ARHGAP6: variants seen among roughly 807,000 people sequenced by gnomAD.
The protein encoded by ARHGAP6 is Rho GTPase activating protein 6, also known as rho GTPase-activating protein 6.
ARHGAP6 carries 16 observed loss-of-function variants against 55.7 expected under a neutral mutation model. That is an observed-to-expected ratio of 0.29 (90% CI 0.19 to 0.44). The LOEUF (loss-of-function observed/expected upper bound fraction) is 0.44. Ranked by LOEUF, ARHGAP6 falls within the 20% of genes least tolerant of loss-of-function variation. The pLI is 1.00. For missense variants in ARHGAP6, 698 were observed against 808.9 expected (o/e 0.86, Z 1.66); for synonymous variants, 382 against 360.9 (o/e 1.06, Z -0.66).
intron 1 of ARHGAP6, among the ~76,000 whole-genome samples, chrX:11,619,953 T>C: frequency 8.9e-6 from 1 of 112,207 alleles, no homozygotes; most frequent in African/African-American, 3.2e-5. Flanking sequence ...TCACTGTCCC[T>C]CTGTATTATA....
intron 8 of ARHGAP6, among the ~76,000 whole-genome samples, chrX:11,173,264 A>G (rs1473451343): frequency 8.9e-6 from 1 of 112,257 alleles, no homozygotes; most frequent in African/African-American, 3.2e-5. Flanking sequence ...GAGGGGAGAC[A>G]CAGGTCTTGC....
At chrX:11,661,975 T>A (rs1397498230) in intron 1 of ARHGAP6, among the ~76,000 whole-genome samples, 1 of 112,219 alleles carries the variant, frequency 8.9e-6, no homozygotes, top group East Asian at 2.8e-4. Flanking sequence ...AGGACAGCTC[T>A]GTAGCAAAGA....
chrX:11,633,237 C>T (rs2052379701), intron 1 of ARHGAP6, among the ~76,000 whole-genome samples: 1 of 112,439 alleles, frequency 8.9e-6, no homozygotes, highest in Admixed American at 9.4e-5. Flanking sequence ...GTAACAGCTA[C>T]GGCTACCTGG....
At chrX:11,589,966 C>T (rs2051784730) in intron 1 of ARHGAP6, among the ~76,000 whole-genome samples, 1 of 111,620 alleles carries the variant, frequency 9.0e-6, no homozygotes, top group Non-Finnish European at 1.9e-5. Context: ...ACAGTTAAGA[C>T]TAATGAGGCA....
chrX:11,285,501 C>T (rs753810476), intron 1 of ARHGAP6, among the ~76,000 whole-genome samples: 2 of 111,826 alleles, frequency 1.8e-5, no homozygotes, highest in South Asian at 7.5e-4. Flanking sequence ...ATAATGACAA[C>T]CTACTTGTAA....
chrX:11,631,757 C>T (rs1011794272), intron 1 of ARHGAP6, among the ~76,000 whole-genome samples: 2 of 111,839 alleles, frequency 1.8e-5, no homozygotes, highest in African/African-American at 3.2e-5. Context: ...GCTATAAAAG[C>T]GCCAAAGCTG....
At position 11,518,559 on chromosome X, in the gene ARHGAP6, A is replaced by G. The variant is rs375102452; in HGVS notation, c.588+145682T>C. Among the ~76,000 whole-genome samples, 5 of 102,942 alleles carry G rather than the reference A, an allele frequency of 4.9e-5. No individual in the cohort carries two copies. The East Asian group carries it at 1.5e-3, about 31-fold the overall frequency. The allele number at this position is 102,942 out of a possible 115,157, so 89.4% of individuals were successfully genotyped here. On this transcript the variant is annotated intron_variant, in intron 1 of 12. Transcript: ENST00000337414. ...TCCATCAGAGTAACAGTGCCTTCCA[A>G]CTAAGGGATGTTTCTTTGCTTTCTC...
intron 8 of ARHGAP6, among the ~76,000 whole-genome samples, chrX:11,170,461 T>C (rs2046074422): frequency 8.9e-6 from 1 of 111,790 alleles, no homozygotes; most frequent in Non-Finnish European, 1.9e-5. Context: ...GGTGAGATGA[T>C]CTTCATGTGT....
intron 1 of ARHGAP6, among the ~76,000 whole-genome samples, chrX:11,438,091 G>A (rs1186608664): frequency 8.9e-6 from 1 of 112,273 alleles, no homozygotes; most frequent in Non-Finnish European, 1.9e-5. Flanking sequence ...TAAATGCTTT[G>A]ACTGACATCT....
At chrX:11,411,187 A>ATT (rs2049678345) in intron 1 of ARHGAP6, among the ~76,000 whole-genome samples, 1 of 54,740 alleles carries the variant, frequency 1.8e-5, no homozygotes, top group African/African-American at 8.0e-5. Flanking sequence ...CATTATTTAT[A>ATT]TATATATATA....
chrX:11,556,687 G>C (rs2051322751), intron 1 of ARHGAP6, among the ~76,000 whole-genome samples: 1 of 112,207 alleles, frequency 8.9e-6, no homozygotes, highest in Admixed American at 9.4e-5. Flanking sequence ...AGCTAATTTT[G>C]TTATGGTAAG....
intron 1 of ARHGAP6, among the ~76,000 whole-genome samples, chrX:11,560,417 G>A (rs191844057): frequency 7.0e-4 from 79 of 112,601 alleles, no homozygotes; most frequent in African/African-American, 2.4e-3. Flanking sequence ...TTAATGAAAG[G>A]AGAAGTACTT....
intron 1 of ARHGAP6, among the ~76,000 whole-genome samples, chrX:11,487,803 T>A (rs112415645): frequency 9.0e-6 from 1 of 111,089 alleles, no homozygotes; most frequent in Admixed American, 9.6e-5. Flanking sequence ...TAGGAAGAGA[T>A]GAATTGTTTT....
chrX:11,265,871 T>C (rs1184006819), intron 1 of ARHGAP6: 1 of 951,891 alleles, frequency 1.1e-6, no homozygotes, highest in Non-Finnish European at 1.3e-6. Context: ...CCACGATACC[T>C]TTTGTTGCCA....
intron 1 of ARHGAP6, among the ~76,000 whole-genome samples, chrX:11,466,729 C>T (rs1316407759): frequency 9.0e-6 from 1 of 111,098 alleles, no homozygotes; most frequent in African/African-American, 3.3e-5. Context: ...ATCTTGAATC[C>T]CTGGCCTCAA....
intron 1 of ARHGAP6, among the ~76,000 whole-genome samples, chrX:11,515,862 A>G (rs1479897835): frequency 1.8e-5 from 2 of 113,018 alleles, no homozygotes; most frequent in African/African-American, 6.4e-5. Context: ...TTCTAAAACA[A>G]AAAGTGAAGA....
At chrX:11,408,383 A>G (rs2049635986) in intron 1 of ARHGAP6, among the ~76,000 whole-genome samples, 1 of 111,986 alleles carries the variant, frequency 8.9e-6, no homozygotes, top group Non-Finnish European at 1.9e-5. Flanking sequence ...AGGATTTCTT[A>G]AAAAGTTGTT....
At chrX:11,388,048 T>G (rs186063090) in intron 1 of ARHGAP6, among the ~76,000 whole-genome samples, 12 of 112,166 alleles carry the variant, frequency 1.1e-4, no homozygotes, top group Admixed American at 7.5e-4. Context: ...GCATGATTTA[T>G]AATCCTTTGG....
At chrX:11,460,078 C>A (rs892055785) in intron 1 of ARHGAP6, among the ~76,000 whole-genome samples, 1 of 111,311 alleles carries the variant, frequency 9.0e-6, no homozygotes, top group Non-Finnish European at 1.9e-5. Context: ...ACAGTCTGCC[C>A]CTTGATTAGG....
Sources: gnomAD v4.1 joint callset for allele counts (sites outside exome capture counted in the v4.1 genomes callset) on GRCh38, gnomAD v4.1.1 for gene constraint, MANE v1.5 for transcripts, NCBI Gene and HGNC (gene_info 2026-07-23, HGNC 2026-07-21) for gene names.